KANK2: variants seen among roughly 807,000 people sequenced by gnomAD.
KANK2 encodes the protein KN motif and ankyrin repeat domain-containing protein 2.
A neutral mutation model predicts 74.6 loss-of-function variants in KANK2; 41 were observed. That is an observed-to-expected ratio of 0.55 (90% CI 0.43 to 0.71). The LOEUF (loss-of-function observed/expected upper bound fraction) is 0.71, where lower values mean the gene tolerates loss of function less well. Ranked by LOEUF, KANK2 falls within the 30% of genes least tolerant of loss-of-function variation. The pLI, the probability that KANK2 is intolerant of heterozygous loss-of-function variation, is 0.00. For synonymous variants in KANK2, 537 were observed against 519.0 expected (o/e 1.03, Z -0.47); for missense variants, 1,148 against 1,196.4 (o/e 0.96, Z 0.60).
intron 4 of KANK2, among the ~76,000 whole-genome samples, chr19:11,180,375 A>G (rs2078479327): frequency 6.6e-6 from 1 of 151,778 alleles, no homozygotes; most frequent in African/African-American, 2.4e-5. Flanking sequence ...GATTATAGGC[A>G]TGAGCCACTA....
chr19:11,186,711 AG>A (rs2078687527), intron 4 of KANK2, among the ~76,000 whole-genome samples: 1 of 152,162 alleles, frequency 6.6e-6, no homozygotes, highest in African/African-American at 2.4e-5. Context: ...AAAAAAAAGA[AG>A]AAAAATTAGA....
At chr19:11,176,887 G>A (rs2078358145) in intron 6 of KANK2, 70 bp from the exon 7 acceptor site, 1 of 1,473,782 alleles carries the variant, frequency 6.8e-7, no homozygotes, top group Non-Finnish European at 9.0e-7. Flanking sequence ...AGGAAGGCAG[G>A]GATCTGGTGA....
chr19:11,173,409 A>T (rs1265198482), intron 9 of KANK2, among the ~76,000 whole-genome samples: 1 of 151,974 alleles, frequency 6.6e-6, no homozygotes, highest in Non-Finnish European at 1.5e-5. Context: ...ACAGCCATTT[A>T]CCCTCAGACT....
chr19:11,192,740 C>T (rs778297451), intron 4 of KANK2, 91 bp downstream of exon 4: 33 of 1,512,158 alleles, frequency 2.2e-5, no homozygotes, highest in Non-Finnish European at 3.0e-5. Context: ...CTGCCTGGAC[C>T]CTGGCGTTCT....
intron 4 of KANK2, 132 bp from the exon 5 acceptor site, chr19:11,178,852 C>T (rs1367837098): frequency 1.3e-6 from 1 of 762,794 alleles, no homozygotes; most frequent in East Asian, 3.3e-5. Context: ...GTCTTCCTGC[C>T]CCTTGGAGGG....
intron 4 of KANK2, chr19:11,192,560 G>A: frequency 2.5e-6 from 1 of 399,710 alleles, no homozygotes; most frequent in Admixed American, 3.5e-5. Context: ...TCAGCCTCCT[G>A]GGTAGCTGAG....
At chr19:11,182,610 A>G (rs12979384) in intron 4 of KANK2, among the ~76,000 whole-genome samples, 9,421 of 150,584 alleles carry the variant, frequency 0.063, 351 homozygotes, top group Admixed American at 0.083. Context: ...TTGGGAGGCC[A>G]AGGCAGGCCA....
At chr19:11,168,828 T>C (rs1372647966) in intron 12 of KANK2, among the ~76,000 whole-genome samples, 2 of 152,182 alleles carry the variant, frequency 1.3e-5, no homozygotes, top group Non-Finnish European at 2.9e-5. Flanking sequence ...TGGGGCACTA[T>C]GAAGGTTCAG....
At chr19:11,174,405 C>T (rs765312966) in intron 9 of KANK2, 68 bp downstream of exon 9, 203 of 1,290,290 alleles carry the variant, frequency 1.6e-4, no homozygotes, top group Non-Finnish European at 1.7e-4. Context: ...CAGTGTCTTC[C>T]CTATCAGACT....
Position 11,164,879 on chromosome 19 carries a change from A to G in KANK2, c.*1679T>C, listed in dbSNP as rs1226010395. The G allele has an allele frequency of 6.6e-6, 1 of 152,166 alleles. No homozygotes were observed. Among genetic ancestry groups the G allele is most frequent in the African/African-American group, 2.4e-5 (1 of 41,440 alleles). 9.4% of individuals were successfully genotyped at this position (152,166 alleles called of 1,614,324 possible). ...ACCTACTTTTCTAAGGAGAGAAACC[A>G]GTGCTTTGCCTTCTTTAATGAACCT... On this transcript the variant is annotated 3_prime_UTR_variant, in exon 13 of 13. Transcript: ENST00000586659.
At chr19:11,176,865 A>T (rs775438133) in intron 6 of KANK2, 48 bp from the exon 7 acceptor site, 2 of 1,482,792 alleles carry the variant, frequency 1.3e-6, no homozygotes, top group East Asian at 4.8e-5. Context: ...GTGGGATGAG[A>T]AATGGTGGGA....
At chr19:11,172,063 C>A (rs1301413527) in intron 10 of KANK2, among the ~76,000 whole-genome samples, 2 of 150,750 alleles carry the variant, frequency 1.3e-5, no homozygotes, top group African/African-American at 2.4e-5. Flanking sequence ...GCAACTTCCA[C>A]CTCCCAGGTT....
chr19:11,166,885 A>C (rs183096243), intron 12 of KANK2, among the ~76,000 whole-genome samples: 1 of 152,172 alleles, frequency 6.6e-6, no homozygotes, highest in Non-Finnish European at 1.5e-5. Context: ...AACGGCATCA[A>C]GGAGCCAGCG....
intron 4 of KANK2, among the ~76,000 whole-genome samples, chr19:11,189,499 G>A (rs2078775894): frequency 6.6e-6 from 1 of 150,486 alleles, no homozygotes; most frequent in African/African-American, 2.4e-5. Context: ...AGCTACTCGG[G>A]AGGCGGAGGC....
intron 8 of KANK2, among the ~76,000 whole-genome samples, chr19:11,174,897 C>T (rs1031925670): frequency 6.6e-6 from 1 of 152,068 alleles, no homozygotes; most frequent in Non-Finnish European, 1.5e-5. Context: ...TTGCAATCCC[C>T]AACACGTTCC....
Position 11,192,852 on chromosome 19 carries a change from G to A in KANK2, c.1228C>T (p.Arg410Ter). 1.9e-6 allele frequency: 3 copies of A among 1,611,142 alleles called. No homozygotes were observed. Among genetic ancestry groups the A allele is most frequent in the Non-Finnish European group, 2.5e-6 (3 of 1,179,414 alleles). Reference sequence around the variant, plus strand: ...TTACCTGCTGCTCCATCGCAGCTTCGCTCTGTGATGCTAATCTTCTTCACC... The same window carrying A: ...TTACCTGCTGCTCCATCGCAGCTTCACTCTGTGATGCTAATCTTCTTCACC... The part of the protein sequence containing the change: ...HMVKKISITE[R>*]SCDGAAGLPE... The change falls in exon 4 of 13, where the codon CGA (arginine) becomes TGA (stop). Residue 410 changes from arginine to a stop codon, truncating the protein, a stop_gained. Transcript: ENST00000586659. LOFTEE classifies it high-confidence loss of function.
intron 7 of KANK2, 57 bp from the exon 8 acceptor site, chr19:11,176,046 G>T: frequency 7.3e-7 from 1 of 1,377,680 alleles, no homozygotes; most frequent in Non-Finnish European, 1.0e-6. Context: ...TGCCTGGGAA[G>T]GGACTTGACA....
At chr19:11,184,481 T>G (rs1307250291) in intron 4 of KANK2, among the ~76,000 whole-genome samples, 1 of 150,298 alleles carries the variant, frequency 6.7e-6, no homozygotes, top group African/African-American at 2.4e-5. Flanking sequence ...GATAATCTTC[T>G]AGAACAGGGT....
At chr19:11,197,191 G>C (rs2079045129) in intron 1 of KANK2, 2 of 151,508 alleles carry the variant, frequency 1.3e-5, no homozygotes, top group South Asian at 2.1e-4. Context: ...GGGCAGAGGG[G>C]AGCCAAGACA....
Sources: allele counts gnomAD v4.1 joint callset (sites outside exome capture counted in the v4.1 genomes callset), GRCh38; gene constraint gnomAD v4.1.1; transcripts MANE v1.5; gene names NCBI Gene and HGNC (gene_info 2026-07-23, HGNC 2026-07-21).